TET1: variants seen among roughly 807,000 people sequenced by gnomAD.
TET1 encodes tet methylcytosine dioxygenase 1.
Under a neutral mutation model 148.7 loss-of-function variants are expected in TET1, and 13 were observed. The ratio of observed to expected loss-of-function variants is 0.09; its 90% CI spans 0.06 to 0.14. TET1 has a LOEUF of 0.14. TET1 is among the 10% of genes least tolerant of loss of function. The pLI is 1.00. For synonymous variants in TET1, 907 were observed against 937.2 expected (o/e 0.97, Z 0.59); for missense variants, 2,182 against 2,553.8 (o/e 0.85, Z 3.14).
intron 3 of TET1, among the ~76,000 whole-genome samples, chr10:68,622,784 G>A (rs960789336): frequency 3.9e-5 from 6 of 151,942 alleles, no homozygotes; most frequent in Non-Finnish European, 5.9e-5. Context: ...TCGCCGTGTT[G>A]TCCAGATTGA....
At chr10:68,676,790 C>G (rs1479629199) in intron 8 of TET1, among the ~76,000 whole-genome samples, 1 of 152,198 alleles carries the variant, frequency 6.6e-6, no homozygotes, top group East Asian at 1.9e-4. Context: ...TCAGCCTACA[C>G]AATTCTTACT....
intron 11 of TET1, among the ~76,000 whole-genome samples, chr10:68,688,002 A>G (rs1219280594): frequency 1.3e-5 from 2 of 152,098 alleles, no homozygotes; most frequent in African/African-American, 4.8e-5. Flanking sequence ...AGACACAATC[A>G]TAGCACACTG....
At chr10:68,677,590 C>G (rs2055378434) in intron 8 of TET1, among the ~76,000 whole-genome samples, 3 of 152,152 alleles carry the variant, frequency 2.0e-5, no homozygotes, top group Non-Finnish European at 4.4e-5. Context: ...GACTCCTGGG[C>G]TCAAGGGATT....
At chr10:68,659,610 C>T (rs1171954786) in intron 6 of TET1, among the ~76,000 whole-genome samples, 5 of 152,150 alleles carry the variant, frequency 3.3e-5, no homozygotes, top group African/African-American at 9.7e-5. Context: ...TGAGCCACCG[C>T]GCCCGGCCAA....
At chr10:68,672,266 AT>A (rs1470719575) in intron 7 of TET1, among the ~76,000 whole-genome samples, 2 of 151,864 alleles carry the variant, frequency 1.3e-5, no homozygotes, top group African/African-American at 4.8e-5. Context: ...GGGAGGGTAG[AT>A]AACTTGAAGT....
At chr10:68,561,365 G>A (rs2053551163) in intron 1 of TET1, among the ~76,000 whole-genome samples, 1 of 152,214 alleles carries the variant, frequency 6.6e-6, no homozygotes, top group Non-Finnish European at 1.5e-5. Context: ...AGTGGAGGCA[G>A]TGGTGCAGTC....
rs548854521 is a variant in TET1 at position 68,649,411 on chromosome 10, C to T, written c.4276+2406C>T. Among the ~76,000 whole-genome samples the T allele has an allele frequency of 6.6e-5, 10 of 152,164 alleles. No individual in the cohort carries two copies. In the East Asian group the frequency reaches 1.7e-3, roughly 27 times the overall value. Reference sequence around the variant, plus strand: ...TCACGAGGTCAGGAGATGAGACCATCCTGGCTAACACGGTGAAACCCCGTC... The same window carrying T: ...TCACGAGGTCAGGAGATGAGACCATTCTGGCTAACACGGTGAAACCCCGTC... On this transcript the variant is annotated intron_variant, in intron 4 of 11. Transcript: ENST00000373644.
chr10:68,642,370 G>A (rs1017864041), intron 3 of TET1, among the ~76,000 whole-genome samples: 1 of 152,050 alleles, frequency 6.6e-6, no homozygotes, highest in Non-Finnish European at 1.5e-5. Flanking sequence ...GGAGTTCGAG[G>A]CTACAGTGAG....
chr10:68,594,728 C>T (rs1016566450), intron 2 of TET1, among the ~76,000 whole-genome samples: 1 of 152,086 alleles, frequency 6.6e-6, no homozygotes, highest in Admixed American at 6.6e-5. Context: ...TCTGTACTCC[C>T]TGCACTTTGG....
chr10:68,686,291 G>T, intron 10 of TET1, 65 bp from the exon 11 acceptor site: 1 of 1,371,938 alleles, frequency 7.3e-7, no homozygotes, highest in Non-Finnish European at 9.9e-7. Context: ...ACGAAGGTAG[G>T]AATAGCCACA....
chr10:68,670,450 A>T (rs2055257914), intron 7 of TET1, among the ~76,000 whole-genome samples: 1 of 152,206 alleles, frequency 6.6e-6, no homozygotes, highest in African/African-American at 2.4e-5. Flanking sequence ...GATGGCTGAA[A>T]CAAAAGAAAA....
At chr10:68,567,766 A>G (rs948930286) in intron 1 of TET1, among the ~76,000 whole-genome samples, 1 of 151,954 alleles carries the variant, frequency 6.6e-6, no homozygotes, top group East Asian at 1.9e-4. Flanking sequence ...AATTAAAAAA[A>G]AAAAATCATA....
At chr10:68,595,973 CACACATATAT>C (rs1564958904) in intron 2 of TET1, among the ~76,000 whole-genome samples, 21 of 39,728 alleles carry the variant, frequency 5.3e-4, no homozygotes, top group South Asian at 2.3e-3. Flanking sequence ...CACACACACA[CACACATATAT>C]ACACACACAC....
intron 6 of TET1, among the ~76,000 whole-genome samples, chr10:68,657,313 AC>A (rs1359828808): frequency 6.6e-6 from 1 of 152,044 alleles, no homozygotes; most frequent in Non-Finnish European, 1.5e-5. Context: ...AGTAGCTAGG[AC>A]TACAGGCGCC....
At chr10:68,626,586 C>G (rs2133003184) in intron 3 of TET1, among the ~76,000 whole-genome samples, 1 of 152,042 alleles carries the variant, frequency 6.6e-6, no homozygotes, top group East Asian at 1.9e-4. Context: ...CAGTCTCACT[C>G]TGTCACCAGG....
At position 68,646,860 on chromosome 10, in the gene TET1, A is replaced by C. The variant is rs2054858307; in HGVS notation, c.4131A>C (p.Ser1377=). Residue 1377 remains serine (S), a synonymous_variant, in exon 4 of 12, where the codon TCA becomes TCC. Coordinates refer to ENST00000373644, the MANE Select transcript of TET1 (RefSeq NM_030625.3). ...CCAAAAGTGAAGAGGAAGTCTGTTCATCCAGTTTTGGAACATCAGAATTTT... is the reference window on the plus strand; with the variant it reads ...CCAAAAGTGAAGAGGAAGTCTGTTCCTCCAGTTTTGGAACATCAGAATTTT... ...VSTKSEEEVC[S]SSFGTSEFST... 1 of 1,614,106 alleles carries C rather than the reference A, an allele frequency of 6.2e-7. No homozygotes were observed. Among genetic ancestry groups the C allele is most frequent in the South Asian group, 1.1e-5 (1 of 91,092 alleles).
intron 2 of TET1, among the ~76,000 whole-genome samples, chr10:68,582,420 A>G (rs775971618): frequency 3.9e-5 from 6 of 152,172 alleles, no homozygotes; most frequent in Non-Finnish European, 5.9e-5. Context: ...TAAGTCAGCT[A>G]ATGTGCCATG....
At chr10:68,643,474 T>G (rs540346420) in intron 3 of TET1, among the ~76,000 whole-genome samples, 1 of 152,118 alleles carries the variant, frequency 6.6e-6, no homozygotes, top group Admixed American at 6.6e-5. Context: ...TATATACTTA[T>G]GATTTGTACA....
intron 2 of TET1, among the ~76,000 whole-genome samples, chr10:68,598,052 C>T (rs1050242913): frequency 6.6e-6 from 1 of 152,078 alleles, no homozygotes; most frequent in Non-Finnish European, 1.5e-5. Context: ...AGTTGCATAG[C>T]AGTTGTGAAT....
Sources: allele counts gnomAD v4.1 joint callset (sites outside exome capture counted in the v4.1 genomes callset), GRCh38; gene constraint gnomAD v4.1.1; transcripts MANE v1.5; gene names NCBI Gene and HGNC (gene_info 2026-07-23, HGNC 2026-07-21).